Variants in STXBP4 observed in about 807,000 individuals in gnomAD.
The protein encoded by STXBP4 is syntaxin-binding protein 4.
A neutral mutation model predicts 76.1 loss-of-function variants in STXBP4; 55 were observed. The observed-to-expected ratio is 0.72, with a 90% CI of 0.58 to 0.91. The LOEUF is 0.91. Among genes scored for constraint, STXBP4 ranks in the 40% least tolerant of loss-of-function variants. The probability of loss-of-function intolerance (pLI) is 0.00; values close to 1 mark genes in which losing one functional copy is unlikely to be tolerated. For synonymous variants in STXBP4, 201 were observed against 220.2 expected, an observed-to-expected ratio of 0.91 and a Z score of 0.77; for missense variants, 618 against 636.9, an observed-to-expected ratio of 0.97 and a Z score of 0.32.
chr17:55,024,709 T>C (rs1225735305), intron 8 of STXBP4, among the ~76,000 whole-genome samples: 1 of 152,188 alleles, frequency 6.6e-6, no homozygotes, highest in African/African-American at 2.4e-5. Flanking sequence ...GCCTAAATGT[T>C]CATCAATAAA....
chr17:55,081,003 G>T lies in STXBP4; in HGVS notation c.1356-47G>T, dbSNP rs1488697664. The T allele has an allele frequency of 3.7e-6, 5 of 1,351,092 alleles. No homozygotes were observed. The African/African-American group carries it at 7.5e-5, about 20-fold the overall frequency. 83.7% of individuals were successfully genotyped at this position (1,351,092 alleles called of 1,614,324 possible). A position where few individuals can be genotyped will look rare whatever the true frequency, so the allele number is the denominator to read the frequency against. On this transcript the variant is annotated intron_variant, in intron 15 of 17. Coordinates refer to ENST00000376352, the MANE Select transcript of STXBP4 (RefSeq NM_178509.6). ...AACTTCAGATTTAGTAAAGATAGAT[G>T]TTGTTTATTGTGTAGTAAGTTCAAC...
At chr17:55,092,503 G>C (rs1479819451) in intron 16 of STXBP4, among the ~76,000 whole-genome samples, 1 of 152,084 alleles carries the variant, frequency 6.6e-6, no homozygotes, top group East Asian at 1.9e-4. Flanking sequence ...AGAAATGGAT[G>C]TTCAACTTTT....
intron 16 of STXBP4, among the ~76,000 whole-genome samples, chr17:55,128,026 C>T (rs949098780): frequency 6.6e-6 from 1 of 152,140 alleles, no homozygotes; most frequent in Non-Finnish European, 1.5e-5. Flanking sequence ...ACCCTGTTGT[C>T]AAAATCCACA....
chr17:54,991,111 A>T, intron 4 of STXBP4, 154 bp downstream of exon 4: 1 of 717,366 alleles, frequency 1.4e-6, no homozygotes, highest in Non-Finnish European at 2.0e-6. Flanking sequence ...TATTGCCCTC[A>T]AGGAGCTTTA....
intron 12 of STXBP4, among the ~76,000 whole-genome samples, chr17:55,055,196 A>T (rs1379847743): frequency 1.3e-5 from 2 of 152,164 alleles, no homozygotes; most frequent in South Asian, 2.1e-4. Context: ...ACACGGAAAG[A>T]TGAAGCTGTT....
chr17:55,007,040 A>G (rs1455021431), intron 7 of STXBP4, among the ~76,000 whole-genome samples: 1 of 152,152 alleles, frequency 6.6e-6, no homozygotes, highest in Non-Finnish European at 1.5e-5. Flanking sequence ...TTAGACTTAA[A>G]AAAATTATGA....
At chr17:55,209,306 A>G in the STXBP4 span, among the ~76,000 whole-genome samples, 1 of 152,154 alleles carries the variant, frequency 6.6e-6, no homozygotes, top group Non-Finnish European at 1.5e-5. Context: ...TGGGGAAGGA[A>G]ACGAGCTGGG....
chr17:55,095,704 A>G (rs960083972), intron 16 of STXBP4, among the ~76,000 whole-genome samples: 6 of 152,320 alleles, frequency 3.9e-5, no homozygotes, highest in African/African-American at 1.4e-4. Context: ...GTTCTGTTTT[A>G]TATTAATATG....
At chr17:55,100,786 T>A (rs932968955) in intron 16 of STXBP4, among the ~76,000 whole-genome samples, 1 of 152,222 alleles carries the variant, frequency 6.6e-6, no homozygotes, top group Non-Finnish European at 1.5e-5. Flanking sequence ...TGCTTGTAAC[T>A]ATACAATACA....
At position 55,172,166 on chromosome 17, in the gene STXBP4, T is replaced by C. The variant is rs969721019; in HGVS notation, c.*12255T>C. 6.6e-5 allele frequency: 10 copies of C among 152,204 alleles called. No homozygotes were observed. Among genetic ancestry groups the C allele is most frequent in the African/African-American group, 2.2e-4 (9 of 41,446 alleles). The allele number at this position is 152,204 out of a possible 1,614,324, so 9.4% of individuals were successfully genotyped here. ...TTAGTAGTAAGAACAAACTTCCAAG[T>C]GGCACCATCTTAAAGGTGCAAGCCC... is the stretch of plus-strand genomic sequence containing the variant. On this transcript the variant is annotated 3_prime_UTR_variant, in exon 18 of 18. Transcript: ENST00000376352.
chr17:55,158,682 C>T (rs911115382), intron 17 of STXBP4, among the ~76,000 whole-genome samples: 2 of 152,156 alleles, frequency 1.3e-5, no homozygotes, highest in African/African-American at 4.8e-5. Context: ...CTCATCTCTG[C>T]TTGTGTTATT....
intron 2 of STXBP4, 59 bp from the exon 3 acceptor site, chr17:54,986,083 G>T: frequency 1.4e-6 from 1 of 718,054 alleles, no homozygotes; most frequent in East Asian, 2.6e-5. Flanking sequence ...ATGAACAGTT[G>T]GAATCAAATT....
rs185588275 is a variant in STXBP4, at chr17:55,070,080, A to G, written c.1012-2820A>G. On this transcript the variant is annotated intron_variant, in intron 12 of 17. Transcript: ENST00000376352. ...CATCTAAAAGTGATTTTTTAAAAAC[A>G]TTTTCTGTAGTTGGCAAGGTAGTAC... Among the ~76,000 whole-genome samples the G allele has an allele frequency of 1.2e-3, 186 of 152,234 alleles. 2 individuals are homozygous for G. Among genetic ancestry groups the G allele is most frequent in the Non-Finnish European group, 2.1e-4 (14 of 68,010 alleles).
At chr17:55,022,773 A>C (rs2078337621) in intron 8 of STXBP4, among the ~76,000 whole-genome samples, 1 of 56,286 alleles carries the variant, frequency 1.8e-5, no homozygotes, top group Non-Finnish European at 3.0e-5. Context: ...AGCCTGGACT[A>C]TTTTAAGAAA....
intron 17 of STXBP4, among the ~76,000 whole-genome samples, chr17:55,154,358 C>G (rs142569184): frequency 8.7e-4 from 132 of 152,310 alleles, no homozygotes; most frequent in African/African-American, 3.0e-3. Flanking sequence ...CAGCTGCCAC[C>G]TGGCAGCAAC....
At chr17:55,099,613 C>T (rs540857845) in intron 16 of STXBP4, among the ~76,000 whole-genome samples, 1 of 152,310 alleles carries the variant, frequency 6.6e-6, no homozygotes, top group East Asian at 1.9e-4. Flanking sequence ...CTGTCATTGA[C>T]TGAAACATGG....
Position 55,173,130 on chromosome 17 carries a change from T to C in STXBP4, c.*13219T>C, listed in dbSNP as rs553564247. The C allele has an allele frequency of 1.3e-5, 2 of 152,336 alleles. No individual in the cohort carries two copies. Among genetic ancestry groups the C allele is most frequent in the South Asian group, 2.1e-4 (1 of 4,830 alleles). The allele number at this position is 152,336 out of a possible 1,614,324, so 9.4% of individuals were successfully genotyped here. ...AAGCTGTGTCAGCAATGAGATTTGT[T>C]TCATTGTTTTGCCTTGTTTTGTCAT... On this transcript the variant is annotated 3_prime_UTR_variant, in exon 18 of 18. Coordinates refer to ENST00000376352, the MANE Select transcript of STXBP4 (RefSeq NM_178509.6).
chr17:55,196,463 A>G, the STXBP4 span, among the ~76,000 whole-genome samples: 4,957 of 152,306 alleles, frequency 0.033, 243 homozygotes, highest in East Asian at 0.23. Flanking sequence ...CCTACACTGT[A>G]TCAACTTGTT....
chr17:54,983,620 T>TC (rs2077581300), intron 1 of STXBP4, among the ~76,000 whole-genome samples: 1 of 148,376 alleles, frequency 6.7e-6, no homozygotes, highest in African/African-American at 2.5e-5. Flanking sequence ...TCTTTTCTTT[T>TC]TTTTTTACTT....
Sources: allele counts gnomAD v4.1 joint callset (sites outside exome capture counted in the v4.1 genomes callset), GRCh38; gene constraint gnomAD v4.1.1; transcripts MANE v1.5; gene names NCBI Gene and HGNC (gene_info 2026-07-23, HGNC 2026-07-21).